The following CDH18 variants were observed in gnomAD, a reference collection of about 807,000 sequenced individuals.
CDH18 encodes the protein cadherin 18.
CDH18 carries 31 observed loss-of-function variants against 67.9 expected under a neutral mutation model. The observed-to-expected ratio is 0.46, with a 90% confidence interval of 0.34 to 0.62. CDH18 has a LOEUF of 0.62. Among genes scored for constraint, CDH18 ranks in the 20% least tolerant of loss-of-function variants. The pLI, the probability that CDH18 is intolerant of heterozygous loss-of-function variation, is 0.01. For missense variants in CDH18, 890 were observed against 975.5 expected (o/e 0.91, Z 1.17); for synonymous variants, 362 against 347.2 (o/e 1.04, Z -0.48).
At chr5:20,381,615 G>T (rs1035987517) in intron 1 of CDH18, among the ~76,000 whole-genome samples, 4 of 152,076 alleles carry the variant, frequency 2.6e-5, no homozygotes, top group Non-Finnish European at 4.4e-5. Context: ...CCTTTTCAAT[G>T]ATGTGTGCTC....
chr5:20,517,408 A>C (rs1755445247), intron 1 of CDH18, among the ~76,000 whole-genome samples: 1 of 151,782 alleles, frequency 6.6e-6, no homozygotes, highest in Admixed American at 6.6e-5. Context: ...AAATGTGAAT[A>C]ATAAACATTT....
At chr5:20,476,662 C>T (rs971954295) in intron 1 of CDH18, among the ~76,000 whole-genome samples, 12 of 152,010 alleles carry the variant, frequency 7.9e-5, no homozygotes, top group South Asian at 6.2e-4. Flanking sequence ...TTTGTGTTGC[C>T]TCTTTGAAGT....
intron 1 of CDH18, among the ~76,000 whole-genome samples, chr5:20,486,698 T>TATATATATATATATAC (rs1241021314): frequency 1.0e-4 from 15 of 150,426 alleles, no homozygotes; most frequent in Admixed American, 6.6e-4. Context: ...TATATATATA[T>TATATATATATATATAC]ACATATATGT....
At chr5:20,496,809 G>T (rs991806591) in intron 1 of CDH18, among the ~76,000 whole-genome samples, 8 of 152,008 alleles carry the variant, frequency 5.3e-5, no homozygotes, top group African/African-American at 1.9e-4. Flanking sequence ...ACCTTACGTA[G>T]CTTTCAGTCT....
intron 2 of CDH18, among the ~76,000 whole-genome samples, chr5:20,147,199 A>G (rs1346757508): frequency 1.3e-5 from 2 of 152,140 alleles, no homozygotes; most frequent in African/African-American, 4.8e-5. Context: ...TAATTTGCAT[A>G]TTTTGTAGAC....
intron 2 of CDH18, among the ~76,000 whole-genome samples, chr5:19,926,497 A>T (rs1237915518): frequency 6.6e-6 from 1 of 152,126 alleles, no homozygotes; most frequent in Non-Finnish European, 1.5e-5. Flanking sequence ...CAATTTTGTA[A>T]AAAGAAAGTG....
At chr5:19,852,401 C>T (rs1238459510) in intron 2 of CDH18, among the ~76,000 whole-genome samples, 1 of 151,972 alleles carries the variant, frequency 6.6e-6, no homozygotes, top group Non-Finnish European at 1.5e-5. Flanking sequence ...TTATTAGCAT[C>T]ATCAGTAAAC....
chr5:20,197,610 G>A (rs547696397), intron 2 of CDH18, among the ~76,000 whole-genome samples: 1 of 152,254 alleles, frequency 6.6e-6, no homozygotes, highest in Admixed American at 6.5e-5. Flanking sequence ...TTGTCCTAGG[G>A]CACCCAGACA....
At chr5:20,140,717 T>A (rs1426383584) in intron 2 of CDH18, among the ~76,000 whole-genome samples, 2 of 152,106 alleles carry the variant, frequency 1.3e-5, no homozygotes, top group Admixed American at 6.6e-5. Flanking sequence ...TTAATTTTCA[T>A]TTTTTTCACT....
At chr5:20,137,022 C>T (rs1462856151) in intron 2 of CDH18, among the ~76,000 whole-genome samples, 2 of 151,572 alleles carry the variant, frequency 1.3e-5, no homozygotes, top group Non-Finnish European at 3.0e-5. Context: ...GACCTCTTTC[C>T]TTCATTTCAA....
chr5:19,721,222 G>T (rs36124527), intron 5 of CDH18, 125 bp downstream of exon 5: 161 of 853,976 alleles, frequency 1.9e-4, no homozygotes, highest in Non-Finnish European at 2.4e-4. Flanking sequence ...GAAAAAGTGA[G>T]GATATGTTTA....
intron 11 of CDH18, among the ~76,000 whole-genome samples, chr5:19,490,098 A>G (rs1171549970): frequency 6.6e-6 from 1 of 151,318 alleles, no homozygotes; most frequent in African/African-American, 2.4e-5. Context: ...GTTAAAACAG[A>G]AAAAAAAACT....
intron 2 of CDH18, among the ~76,000 whole-genome samples, chr5:20,150,330 T>C (rs1045715850): frequency 6.6e-6 from 1 of 152,020 alleles, no homozygotes; most frequent in Non-Finnish European, 1.5e-5. Context: ...CAAATCTTGG[T>C]AGTAATAGCA....
chr5:19,996,365 C>T (rs1424079807), intron 2 of CDH18, among the ~76,000 whole-genome samples: 3 of 151,952 alleles, frequency 2.0e-5, no homozygotes, highest in Non-Finnish European at 4.4e-5. Context: ...TTCTCTATTA[C>T]TGAATATTAA....
intron 2 of CDH18, among the ~76,000 whole-genome samples, chr5:19,860,881 A>G (rs1470399042): frequency 6.6e-6 from 1 of 152,112 alleles, no homozygotes; most frequent in Non-Finnish European, 1.5e-5. Context: ...TTCCTAAATT[A>G]CTTGTTTCTT....
At chr5:19,537,341 T>G (rs929404170) in intron 9 of CDH18, among the ~76,000 whole-genome samples, 10 of 152,102 alleles carry the variant, frequency 6.6e-5, no homozygotes, top group Non-Finnish European at 2.9e-5. Flanking sequence ...TGTGAGCCAA[T>G]TTTTTATAAT....
At chr5:19,683,567 T>C (rs947117232) in intron 5 of CDH18, among the ~76,000 whole-genome samples, 1 of 152,114 alleles carries the variant, frequency 6.6e-6, no homozygotes, top group African/African-American at 2.4e-5. Flanking sequence ...CTTACTTGTT[T>C]TGTGATTTTA....
intron 2 of CDH18, among the ~76,000 whole-genome samples, chr5:20,234,766 TG>T (rs1742346184): frequency 6.6e-6 from 1 of 152,062 alleles, no homozygotes. Context: ...CAGGCTATTG[TG>T]TATATAATTT....
At chr5:20,274,663 G>T (rs191168110) in intron 1 of CDH18, among the ~76,000 whole-genome samples, 1 of 151,898 alleles carries the variant, frequency 6.6e-6, no homozygotes, top group Non-Finnish European at 1.5e-5. Flanking sequence ...TATATTTGCC[G>T]TATCAAAACT....
Sources: gnomAD v4.1 joint callset for allele counts (sites outside exome capture counted in the v4.1 genomes callset) on GRCh38, gnomAD v4.1.1 for gene constraint, MANE v1.5 for transcripts, NCBI Gene and HGNC (gene_info 2026-07-23, HGNC 2026-07-21) for gene names.